MAP3K12: variants seen among roughly 807,000 people sequenced by gnomAD.
MAP3K12 encodes the protein mitogen-activated protein kinase kinase kinase 12, also known as MAPK-upstream kinase.
A neutral mutation model predicts 87.5 loss-of-function variants in MAP3K12; 14 were observed. The observed-to-expected ratio is 0.16, with a 90% CI of 0.11 to 0.25. The LOEUF (loss-of-function observed/expected upper bound fraction) is 0.25. Ranked by LOEUF, MAP3K12 falls within the 10% of genes least tolerant of loss-of-function variation. The pLI is 1.00. For synonymous variants in MAP3K12, 469 were observed against 452.5 expected (o/e 1.04, Z -0.46); for missense variants, 802 against 1,140.4 (o/e 0.70, Z 4.27).
chr12:53,491,301 A>AAAAAAAAG (rs796169121), intron 1 of MAP3K12, among the ~76,000 whole-genome samples: 22 of 101,592 alleles, frequency 2.2e-4, no homozygotes, highest in East Asian at 6.9e-4. Context: ...AAAAAAAAAA[A>AAAAAAAAG]AAAAGAAAAG....
intron 1 of MAP3K12, 87 bp from the exon 2 acceptor site, chr12:53,487,515 G>A (rs1236815469): frequency 2.2e-6 from 3 of 1,358,468 alleles, no homozygotes; most frequent in Non-Finnish European, 3.0e-6. Flanking sequence ...ACAGACTGGG[G>A]TGCTGGGTTC....
In MAP3K12 at chr12:53,482,005, T is replaced by A; in HGVS notation, c.2516A>T (p.Glu839Val). 6.2e-7 allele frequency: 1 copy of A among 1,614,186 alleles called. No individual in the cohort carries two copies. Among genetic ancestry groups the A allele is most frequent in the Non-Finnish European group, 8.5e-7 (1 of 1,180,034 alleles). Residue 839 changes from glutamate to valine, a missense_variant, in exon 13 of 14, where the codon GAG becomes GTG. Glu to Val is a moderately radical substitution (Grantham distance 121). Around this residue, in one of 5 missense-constraint regions of MAP3K12, gnomAD observed 490 missense variants for 496.6 expected, o/e 0.99. Coordinates refer to ENST00000547488, the MANE Select transcript of MAP3K12 (RefSeq NM_001193511.2). Reference protein sequence around the residue: ...SEIPLDPPPSEVIPGPEPSSL... With the variant: ...SEIPLDPPPSVVIPGPEPSSL... ...GCTGGGTTCAGGGCCAGGGATGACCTCTGAAGGAGGTGGGTCCAGTGGGAT... is the reference window on the plus strand; with the variant it reads ...GCTGGGTTCAGGGCCAGGGATGACCACTGAAGGAGGTGGGTCCAGTGGGAT...
At position 53,486,331 on chromosome 12, in the gene MAP3K12, C is replaced by A; in HGVS notation, c.630-84G>T. The A allele has an allele frequency of 6.4e-7, 1 of 1,555,072 alleles. No homozygotes were observed. Among genetic ancestry groups the A allele is most frequent in the Non-Finnish European group, 8.7e-7 (1 of 1,146,132 alleles). ...CCTGGAACCCCCATTCCCACCCATT[C>A]CACCTATGGATCTCCTCTGGGGAAG... On this transcript the variant is annotated intron_variant, in intron 3 of 13. Coordinates refer to ENST00000547488, the MANE Select transcript of MAP3K12 (RefSeq NM_001193511.2). This position sits in a 1 kb window ranked among gnomAD's most constrained non-coding sequence, Gnocchi z 4.9.
rs943053066 is a variant in MAP3K12 at position 53,483,145 on chromosome 12, G to A, written c.1658C>T (p.Ala553Val). Residue 553 changes from alanine (A) to valine (V), a missense_variant, in exon 11 of 14, where the codon GCA (alanine) becomes GTA (valine). By Grantham distance (64) the Ala-to-Val change is moderately conservative (BLOSUM62 0). This residue lies in a region of MAP3K12 where 490 missense variants were observed against 496.6 expected (regional missense o/e 0.99). Coordinates refer to ENST00000547488, the MANE Select transcript of MAP3K12 (RefSeq NM_001193511.2). ...AGGAAGCCCCACCCCACTCAGGGCT[G>A]CATCTAGTTTAGGGAGCAAAGACTC... is the stretch of plus-strand genomic sequence containing the variant. The part of the protein sequence containing the change: ...KTESLLPKLD[A>V]ALSGVGLPGC... 3 of 1,521,210 alleles carry A rather than the reference G, an allele frequency of 2.0e-6. No homozygotes were observed. The highest frequency in any genetic ancestry group is 1.8e-6 in the Non-Finnish European group (2 of 1,137,080). 94.2% of individuals were successfully genotyped at this position (1,521,210 alleles called of 1,614,324 possible).
At chr12:53,490,648 G>A (rs1235430848) in intron 1 of MAP3K12, among the ~76,000 whole-genome samples, 1 of 151,768 alleles carries the variant, frequency 6.6e-6, no homozygotes, top group East Asian at 1.9e-4. Context: ...GGAGGCTGAG[G>A]CAGAAGAATG....
intron 1 of MAP3K12, among the ~76,000 whole-genome samples, chr12:53,493,502 A>G (rs1943472550): frequency 6.6e-6 from 1 of 152,176 alleles, no homozygotes; most frequent in Admixed American, 6.5e-5. Context: ...AGGTACAGCT[A>G]GGAAGGAGGA....
Position 53,486,720 on chromosome 12 carries a change from G to T in MAP3K12, c.446-98C>A. 1.4e-6 allele frequency: 2 copies of T among 1,456,426 alleles called. No individual in the cohort carries two copies. Among genetic ancestry groups the T allele is most frequent in the South Asian group, 1.4e-5 (1 of 69,616 alleles). 90.2% of individuals were successfully genotyped at this position (1,456,426 alleles called of 1,614,324 possible). A position where few individuals can be genotyped will look rare whatever the true frequency, so the allele number is the denominator to read the frequency against. ...GGTTGGCTGAATTGACTTAAGGAGG[G>T]TGAGGCAGAAAGCCAAAAATAGGCC... On this transcript the variant is annotated intron_variant, in intron 2 of 13. Coordinates refer to ENST00000547488, the MANE Select transcript of MAP3K12 (RefSeq NM_001193511.2). This position sits in a 1 kb window ranked among gnomAD's most constrained non-coding sequence, Gnocchi z 4.9.
rs1056927317 is a variant in MAP3K12 at position 53,481,818 on chromosome 12, A to G, written c.2580+123T>C. 9 of 1,217,242 alleles carry G rather than the reference A, an allele frequency of 7.4e-6. No individual in the cohort carries two copies. In the African/African-American group the frequency reaches 1.1e-4, roughly 14 times the overall value. The allele number at this position is 1,217,242 out of a possible 1,614,324, so 75.4% of individuals were successfully genotyped here. Reference sequence around the variant, plus strand: ...AGGCTTCTGAAATTCCACCACGTGGATATTTGCTCTTTATGGTACTTTCTG... The same window carrying G: ...AGGCTTCTGAAATTCCACCACGTGGGTATTTGCTCTTTATGGTACTTTCTG... On this transcript the variant is annotated intron_variant, in intron 13 of 13. Transcript: ENST00000547488.
In MAP3K12 at chr12:53,487,004, G is replaced by T; in HGVS notation, c.388C>A (p.Pro130Thr). 1 of 1,614,086 alleles carries T rather than the reference G, an allele frequency of 6.2e-7. No homozygotes were observed. Among genetic ancestry groups the T allele is most frequent in the Non-Finnish European group, 8.5e-7 (1 of 1,180,008 alleles). Residue 130 changes from proline (P) to threonine (T), a missense_variant, in exon 2 of 14, where the codon CCT becomes ACT. This residue lies in a region of MAP3K12 where 57 missense variants were observed against 161.8 expected (regional missense o/e 0.35). Transcript: ENST00000547488. ...GCTTTGCCAATCATGGTCCAGACAG[G>T]GCGCAGGCAGCCAAAGAGGCCCTCA... ...FLEGLFGCLRPVWTMIGKAYS... is the reference protein window; with the variant it reads ...FLEGLFGCLRTVWTMIGKAYS...
chr12:53,494,159 G>T (rs962917619), intron 1 of MAP3K12, among the ~76,000 whole-genome samples: 1 of 152,204 alleles, frequency 6.6e-6, no homozygotes, highest in African/African-American at 2.4e-5. Context: ...GTCTAGGATG[G>T]CTAGGAGCCC....
At position 53,486,665 on chromosome 12, in the gene MAP3K12, A is replaced by T. The variant is rs753089731; in HGVS notation, c.446-43T>A. 5 of 1,527,086 alleles carry T rather than the reference A, an allele frequency of 3.3e-6. No homozygotes were observed. The African/African-American group carries it at 4.1e-5, about 13-fold the overall frequency. The allele number at this position is 1,527,086 out of a possible 1,614,324, so 94.6% of individuals were successfully genotyped here. ...AGTGCCACAAGCCTCAGAAAGAGCCACACTCAAGGCCAGGGACAGGATAGC... is the reference window on the plus strand; with the variant it reads ...AGTGCCACAAGCCTCAGAAAGAGCCTCACTCAAGGCCAGGGACAGGATAGC... On this transcript the variant is annotated intron_variant, in intron 2 of 13. Transcript: ENST00000547488. The surrounding 1 kb of genome is among the most constrained non-coding windows in gnomAD (Gnocchi z 4.9).
intron 1 of MAP3K12, among the ~76,000 whole-genome samples, chr12:53,496,573 TAAC>T (rs1490841877): frequency 6.6e-6 from 1 of 152,190 alleles, no homozygotes; most frequent in African/African-American, 2.4e-5. Context: ...CAGCGGATGT[TAAC>T]AAATATAGTT....
In MAP3K12 at chr12:53,483,005, G is replaced by A; in HGVS notation, c.1798C>T (p.Pro600Ser). 2 of 1,569,530 alleles carry A rather than the reference G, an allele frequency of 1.3e-6. No individual in the cohort carries two copies. Among genetic ancestry groups the A allele is most frequent in the Non-Finnish European group, 8.6e-7 (1 of 1,158,612 alleles). ...CCTGGTCCTCCAGGTTCATGGGGTG[G>A]CACAGCTGTACGAAGCCCAGGCAGG... ...GDLPGLRTAV[P>S]PHEPGGPGSP... Residue 600 changes from proline to serine, a missense_variant, in exon 11 of 14, where the codon CCA (proline) becomes TCA (serine). This residue lies in a region of MAP3K12 where 490 missense variants were observed against 496.6 expected (regional missense o/e 0.99). Transcript: ENST00000547488.
chr12:53,484,595 C>T (rs1943173924), intron 6 of MAP3K12: 1 of 519,212 alleles, frequency 1.9e-6, no homozygotes, highest in Non-Finnish European at 3.4e-6. Flanking sequence ...AACTTGTCTC[C>T]CAAAATAAAA....
rs1016119612 is a variant in MAP3K12, at chr12:53,482,457, G to T, written c.2239-88C>A. ...GGAGAAGGGAACATAGTTACGAAGG[G>T]TGAAGTAGGGAATGGCTTAAAATTG... On this transcript the variant is annotated intron_variant, in intron 11 of 13. Transcript: ENST00000547488. The T allele has an allele frequency of 1.4e-5, 23 of 1,606,182 alleles. No individual in the cohort carries two copies. In the African/African-American group the frequency reaches 2.9e-4, roughly 21 times the overall value.
At chr12:53,499,241 T>C (rs1173328149) in intron 1 of MAP3K12, among the ~76,000 whole-genome samples, 186 bp downstream of exon 1, 3 of 151,762 alleles carry the variant, frequency 2.0e-5, no homozygotes, top group Non-Finnish European at 4.4e-5. Flanking sequence ...CTCCATTCCC[T>C]TCCTTCCCAG....
intron 1 of MAP3K12, among the ~76,000 whole-genome samples, chr12:53,489,607 C>T (rs562969166): frequency 6.6e-6 from 1 of 152,214 alleles, no homozygotes; most frequent in Non-Finnish European, 1.5e-5. Context: ...CTAGCAGGGT[C>T]CTTCCATGAG....
In MAP3K12 at chr12:53,486,310, G is replaced by C; in HGVS notation, c.630-63C>G. The C allele has an allele frequency of 6.4e-7, 1 of 1,553,326 alleles. No individual in the cohort carries two copies. The highest frequency in any genetic ancestry group is 8.7e-7 in the Non-Finnish European group (1 of 1,145,874). ...TCAGCATTCACCTGATTCATACCTG[G>C]AACCCCCATTCCCACCCATTCCACC... On this transcript the variant is annotated intron_variant, in intron 3 of 13. Transcript: ENST00000547488. The surrounding 1 kb of genome is among the most constrained non-coding windows in gnomAD (Gnocchi z 4.9).
chr12:53,485,049 T>G lies in MAP3K12; in HGVS notation c.1139+7A>C. 1 of 1,614,054 alleles carries G rather than the reference T, an allele frequency of 6.2e-7. No individual in the cohort carries two copies. The highest frequency in any genetic ancestry group is 8.5e-7 in the Non-Finnish European group (1 of 1,180,012). On this transcript the variant is annotated splice_region_variant and intron_variant, in intron 6 of 13. Transcript: ENST00000547488. ...AGGCCCAGTATCCCAGCCCAGACCATCCTTACCAGCACTGGCGAAGCAGGA... is the reference window on the plus strand; with the variant it reads ...AGGCCCAGTATCCCAGCCCAGACCAGCCTTACCAGCACTGGCGAAGCAGGA...
Sources: allele counts gnomAD v4.1 joint callset (sites outside exome capture counted in the v4.1 genomes callset), GRCh38; gene constraint gnomAD v4.1.1; regional missense constraint gnomAD v4.1.1; non-coding constraint Gnocchi (gnomAD v3.1); transcripts MANE v1.5; gene names NCBI Gene and HGNC (gene_info 2026-07-23, HGNC 2026-07-21).